Variants in SEMA3C observed in about 807,000 individuals in gnomAD.
SEMA3C encodes the protein semaphorin-3C.
Under a neutral mutation model 89.4 loss-of-function variants are expected in SEMA3C, and 47 were observed. The observed-to-expected ratio is 0.53, with a 90% CI of 0.42 to 0.67. SEMA3C has a LOEUF of 0.67. Among genes scored for constraint, SEMA3C ranks in the 30% least tolerant of loss-of-function variants. The probability of loss-of-function intolerance (pLI) is 0.00; values close to 1 mark genes in which losing one functional copy is unlikely to be tolerated. For missense variants in SEMA3C, 839 were observed against 929.1 expected, an observed-to-expected ratio of 0.90 and a Z score of 1.26; for synonymous variants, 310 against 320.2, an observed-to-expected ratio of 0.97 and a Z score of 0.34.
chr7:80,823,748 C>A (rs1789808142), intron 4 of SEMA3C, among the ~76,000 whole-genome samples: 1 of 152,024 alleles, frequency 6.6e-6, no homozygotes, highest in African/African-American at 2.4e-5. Flanking sequence ...TATAATCCTA[C>A]TTAATTTTTC....
chr7:80,864,179 G>A (rs1302510073), intron 2 of SEMA3C, among the ~76,000 whole-genome samples: 1 of 151,980 alleles, frequency 6.6e-6, no homozygotes, highest in Non-Finnish European at 1.5e-5. Flanking sequence ...AGTGATATGT[G>A]GGAGCTAAGC....
chr7:80,786,339 C>T (rs1164939363), intron 12 of SEMA3C, among the ~76,000 whole-genome samples: 1 of 151,856 alleles, frequency 6.6e-6, no homozygotes. Context: ...TAAAATTCCA[C>T]CCATGAACTC....
intron 5 of SEMA3C, among the ~76,000 whole-genome samples, chr7:80,816,870 T>C (rs1789620079): frequency 6.6e-6 from 1 of 152,358 alleles, no homozygotes; most frequent in South Asian, 2.1e-4. Flanking sequence ...GAATTTCCAA[T>C]TAAGCTTTGA....
intron 2 of SEMA3C, among the ~76,000 whole-genome samples, chr7:80,851,504 TAAAAAAAA>T (rs35936052): frequency 8.7e-4 from 61 of 69,802 alleles, no homozygotes; most frequent in African/African-American, 2.8e-3. Context: ...CTCTTGTCTT[TAAAAAAAA>T]AAAAAAAAAA....
chr7:80,765,562 TTTTTG>T (rs544160095), intron 12 of SEMA3C, among the ~76,000 whole-genome samples: 139 of 148,662 alleles, frequency 9.4e-4, no homozygotes, highest in East Asian at 3.2e-3. Flanking sequence ...ACATAAGTTT[TTTTTG>T]TTTTGTTTTG....
chr7:80,902,448 T>C (rs1213867882), intron 2 of SEMA3C, among the ~76,000 whole-genome samples: 1 of 152,196 alleles, frequency 6.6e-6, no homozygotes, highest in Non-Finnish European at 1.5e-5. Context: ...TGTAGCTATG[T>C]TTATAAGCAA....
chr7:80,818,444 T>C (rs1024880473), intron 4 of SEMA3C, 26 bp from the exon 5 acceptor site: 6 of 1,601,784 alleles, frequency 3.7e-6, no homozygotes, highest in Admixed American at 1.7e-5. Context: ...AATAAGCAGT[T>C]AGTAACTCAA....
At chr7:80,881,508 C>T (rs1791339568) in intron 2 of SEMA3C, among the ~76,000 whole-genome samples, 1 of 152,086 alleles carries the variant, frequency 6.6e-6, no homozygotes, top group African/African-American at 2.4e-5. Flanking sequence ...AAATAATGAA[C>T]AATTTCTGGC....
intron 2 of SEMA3C, among the ~76,000 whole-genome samples, chr7:80,878,711 A>G (rs1245532826): frequency 6.6e-6 from 1 of 152,144 alleles, no homozygotes; most frequent in Non-Finnish European, 1.5e-5. Flanking sequence ...GCATATAAAA[A>G]TATTGGGTTC....
At chr7:80,846,568 TAATC>T (rs1562903350) in intron 2 of SEMA3C, among the ~76,000 whole-genome samples, 5 of 152,098 alleles carry the variant, frequency 3.3e-5, no homozygotes, top group African/African-American at 1.2e-4. Context: ...TGGCCTCAAG[TAATC>T]CTTCCATATC....
chr7:80,849,447 AT>A lies in SEMA3C; in HGVS notation c.104-20703del, dbSNP rs1261877052. Reference sequence around the variant, plus strand: ...AACTGATCAACTATAAGTTTCTTTTATCATTATCTCTATTTCATGCATACAA... The same window carrying A: ...AACTGATCAACTATAAGTTTCTTTTACATTATCTCTATTTCATGCATACAA... On this transcript the variant is annotated intron_variant, in intron 2 of 17. Transcript: ENST00000265361. 2.1e-3 allele frequency among the ~76,000 whole-genome samples: 318 copies of A among 152,212 alleles called. 3 individuals are homozygous for A. The East Asian group carries it at 0.023, about 11-fold the overall frequency.
intron 17 of SEMA3C, among the ~76,000 whole-genome samples, 186 bp from the exon 18 acceptor site, chr7:80,745,493 G>A (rs1787780337): frequency 6.6e-6 from 1 of 151,218 alleles, no homozygotes; most frequent in African/African-American, 2.4e-5. Context: ...TTAAACATGG[G>A]AGATCTTGTC....
intron 10 of SEMA3C, among the ~76,000 whole-genome samples, chr7:80,799,078 C>T (rs1026196201): frequency 1.3e-5 from 2 of 152,112 alleles, no homozygotes. Context: ...TTGAAAACAA[C>T]ATTTTCTTAA....
At chr7:80,802,188 A>G (rs1470621311) in intron 9 of SEMA3C, among the ~76,000 whole-genome samples, 1 of 152,110 alleles carries the variant, frequency 6.6e-6, no homozygotes, top group Non-Finnish European at 1.5e-5. Context: ...CTAATCTCAG[A>G]GTCACCAAGC....
chr7:80,746,006 G>T (rs757702988), intron 17 of SEMA3C, among the ~76,000 whole-genome samples: 21 of 152,096 alleles, frequency 1.4e-4, no homozygotes, highest in Non-Finnish European at 1.6e-4. Flanking sequence ...TGGAAAAAAT[G>T]ATTGTTTACT....
chr7:80,920,721 G>A (rs1239417299), upstream of SEMA3C, among the ~76,000 whole-genome samples: 3 of 152,200 alleles, frequency 2.0e-5, no homozygotes, highest in African/African-American at 7.2e-5. Context: ...TGCGTGAGAA[G>A]ATCCTTGACA....
intron 2 of SEMA3C, among the ~76,000 whole-genome samples, chr7:80,868,413 A>G (rs1357812812): frequency 6.6e-6 from 1 of 151,996 alleles, no homozygotes; most frequent in African/African-American, 2.4e-5. Flanking sequence ...GACTGTAGAC[A>G]TGAGCCACCA....
chr7:80,833,049 G>A (rs889959321), intron 2 of SEMA3C, among the ~76,000 whole-genome samples: 20 of 152,094 alleles, frequency 1.3e-4, no homozygotes, highest in Non-Finnish European at 2.9e-4. Flanking sequence ...CCAAGAGTGT[G>A]ATCTTAGCTG....
chr7:80,754,947 G>GTTTTTTTTTTTTTTTTTTTTTTT (rs1031680674), intron 15 of SEMA3C, among the ~76,000 whole-genome samples: 14 of 13,130 alleles, frequency 1.1e-3, no homozygotes, highest in Non-Finnish European at 4.0e-3. Flanking sequence ...CTGGCGAATT[G>GTTTTTTTTTTTTTTTTTTTTTTT]TTTTTTTTTG....
Sources: allele counts gnomAD v4.1 joint callset (sites outside exome capture counted in the v4.1 genomes callset), GRCh38; gene constraint gnomAD v4.1.1; transcripts MANE v1.5; gene names NCBI Gene and HGNC (gene_info 2026-07-23, HGNC 2026-07-21).